SNTG1: variants seen among roughly 807,000 people sequenced by gnomAD.
SNTG1 encodes the protein gamma-1-syntrophin.
Under a neutral mutation model 74.7 loss-of-function variants are expected in SNTG1, and 39 were observed. The observed-to-expected ratio is 0.52, with a 90% confidence interval of 0.40 to 0.68. The LOEUF is 0.68. SNTG1 is among the 30% of genes least tolerant of loss of function. SNTG1 has a pLI of 0.00. For missense variants in SNTG1, 685 were observed against 609.5 expected, an observed-to-expected ratio of 1.12 and a Z score of -1.30; for synonymous variants, 254 against 217.1, an observed-to-expected ratio of 1.17 and a Z score of -1.49.
intron 1 of SNTG1, among the ~76,000 whole-genome samples, chr8:50,079,587 T>G (rs1822214144): frequency 6.6e-6 from 1 of 152,164 alleles, no homozygotes; most frequent in Non-Finnish European, 1.5e-5. Flanking sequence ...ATTTGTCAAT[T>G]TTGGCTTTTG....
At chr8:50,256,391 AAAT>A (rs2086884143) in intron 2 of SNTG1, among the ~76,000 whole-genome samples, 1 of 151,794 alleles carries the variant, frequency 6.6e-6, no homozygotes, top group Non-Finnish European at 1.5e-5. Flanking sequence ...TTTGATTTAA[AAAT>A]AATATTAAAA....
chr8:50,191,997 A>G (rs1331770058), intron 2 of SNTG1, among the ~76,000 whole-genome samples: 1 of 152,090 alleles, frequency 6.6e-6, no homozygotes, highest in Non-Finnish European at 1.5e-5. Context: ...AGGATTTCCA[A>G]ATATCACCAT....
intron 18 of SNTG1, chr8:50,762,646 A>C (rs1192839166): frequency 6.9e-6 from 3 of 436,120 alleles, no homozygotes; most frequent in African/African-American, 6.1e-5. Context: ...TCTTATTAGC[A>C]TCTGTGTAAG....
At chr8:50,462,796 C>CTTTTTTTTTTTTTTTTTTTTT (rs869119447) in intron 8 of SNTG1, among the ~76,000 whole-genome samples, 5 of 57,474 alleles carry the variant, frequency 8.7e-5, no homozygotes, top group Admixed American at 2.5e-4. Context: ...AGGTTCTACT[C>CTTTTTTTTTTTTTTTTTTTTT]TTTTTTTTTT....
intron 1 of SNTG1, among the ~76,000 whole-genome samples, chr8:50,063,460 G>C (rs1820645223): frequency 1.3e-5 from 2 of 152,260 alleles, no homozygotes; most frequent in Non-Finnish European, 2.9e-5. Context: ...AATGTCATCA[G>C]GCCATGAAAT....
At chr8:50,632,191 G>A (rs1280896440) in intron 13 of SNTG1, among the ~76,000 whole-genome samples, 1 of 151,990 alleles carries the variant, frequency 6.6e-6, no homozygotes, top group Non-Finnish European at 1.5e-5. Context: ...TTACATTCTA[G>A]CCTTAAAGGA....
chr8:50,674,629 A>G (rs1278187073), intron 15 of SNTG1, among the ~76,000 whole-genome samples: 1 of 151,710 alleles, frequency 6.6e-6, no homozygotes, highest in Non-Finnish European at 1.5e-5. Flanking sequence ...ACCTGGATTT[A>G]TTGATTTTTG....
chr8:50,162,173 G>C (rs1415327981), intron 1 of SNTG1, among the ~76,000 whole-genome samples: 4 of 152,152 alleles, frequency 2.6e-5, no homozygotes, highest in Admixed American at 2.0e-4. Context: ...GTTCTTGTCA[G>C]AGCAGCTCTG....
chr8:50,564,690 G>A (rs2094506293), intron 12 of SNTG1, among the ~76,000 whole-genome samples: 1 of 151,932 alleles, frequency 6.6e-6, no homozygotes, highest in African/African-American at 2.4e-5. Flanking sequence ...TAACAGAAGT[G>A]TTAAATATCA....
intron 8 of SNTG1, among the ~76,000 whole-genome samples, chr8:50,499,115 C>T (rs1040277227): frequency 1.6e-4 from 25 of 151,716 alleles, no homozygotes; most frequent in African/African-American, 6.0e-4. Context: ...TAAATTTCCA[C>T]ATGAATTTTA....
intron 1 of SNTG1, among the ~76,000 whole-genome samples, chr8:49,969,643 G>A (rs1316631191): frequency 6.6e-6 from 1 of 151,692 alleles, no homozygotes. Context: ...GTGATCCACC[G>A]GCCTCGTTCT....
intron 1 of SNTG1, among the ~76,000 whole-genome samples, chr8:50,055,835 CATT>C (rs932501589): frequency 1.3e-5 from 2 of 152,068 alleles, no homozygotes; most frequent in African/African-American, 4.8e-5. Flanking sequence ...AAAACAAACA[CATT>C]AATGTATTTT....
chr8:50,685,402 C>T (rs934909665), intron 15 of SNTG1, among the ~76,000 whole-genome samples: 1 of 151,970 alleles, frequency 6.6e-6, no homozygotes, highest in Non-Finnish European at 1.5e-5. Flanking sequence ...CATAGATTTC[C>T]AAGCCTAAAA....
chr8:50,671,902 G>A (rs1467591571), intron 15 of SNTG1, among the ~76,000 whole-genome samples: 1 of 151,636 alleles, frequency 6.6e-6, no homozygotes, highest in Non-Finnish European at 1.5e-5. Context: ...TAGGGACATG[G>A]ATGAAATTGG....
chr8:50,312,315 G>A (rs77155036), intron 2 of SNTG1, among the ~76,000 whole-genome samples: 7,195 of 152,046 alleles, frequency 0.047, 216 homozygotes, highest in Middle Eastern at 0.099. Context: ...CCAAGGAGAG[G>A]GATGCTTAGT....
chr8:50,347,573 C>T (rs1461401474), intron 2 of SNTG1, among the ~76,000 whole-genome samples: 1 of 152,166 alleles, frequency 6.6e-6, no homozygotes, highest in African/African-American at 2.4e-5. Context: ...TTATGAAATA[C>T]ATTTATTAAT....
chr8:50,414,669 T>C (rs6995334), intron 4 of SNTG1, among the ~76,000 whole-genome samples: 89,706 of 151,844 alleles, frequency 0.59, 26,652 homozygotes, highest in East Asian at 0.79. Context: ...TTTTATTGTG[T>C]GTTGTCTTGG....
intron 18 of SNTG1, among the ~76,000 whole-genome samples, chr8:50,754,663 A>G (rs964900110): frequency 1.3e-4 from 20 of 151,898 alleles, no homozygotes; most frequent in Admixed American, 9.2e-4. Context: ...TAATCCATTC[A>G]ATGAATTCTG....
At chr8:50,588,602 A>G (rs913471750) in intron 12 of SNTG1, among the ~76,000 whole-genome samples, 1 of 152,228 alleles carries the variant, frequency 6.6e-6, no homozygotes, top group Non-Finnish European at 1.5e-5. Flanking sequence ...CTTGCCAAAT[A>G]AATCTATTAA....
Sources: gnomAD v4.1 joint callset for allele counts (sites outside exome capture counted in the v4.1 genomes callset) on GRCh38, gnomAD v4.1.1 for gene constraint, MANE v1.5 for transcripts, NCBI Gene and HGNC (gene_info 2026-07-23, HGNC 2026-07-21) for gene names.